Variants in LRRK1 observed in about 807,000 individuals in gnomAD.
LRRK1 encodes the protein leucine-rich repeat serine/threonine-protein kinase 1.
A neutral mutation model predicts 209.1 loss-of-function variants in LRRK1; 113 were observed. The observed-to-expected ratio is 0.54, with a 90% CI of 0.46 to 0.63. The LOEUF (loss-of-function observed/expected upper bound fraction) is 0.63. Ranked by LOEUF, LRRK1 falls within the 30% of genes least tolerant of loss-of-function variation. The pLI is 0.00. For synonymous variants in LRRK1, 1,144 were observed against 1,099.7 expected, an observed-to-expected ratio of 1.04 and a Z score of -0.80; for missense variants, 2,284 against 2,632.2, an observed-to-expected ratio of 0.87 and a Z score of 2.89.
intron 20 of LRRK1, among the ~76,000 whole-genome samples, chr15:101,038,198 A>G (rs943576300): frequency 1.3e-5 from 2 of 152,074 alleles, no homozygotes; most frequent in African/African-American, 4.8e-5. Context: ...GAATAATACA[A>G]TGGATTTTGG....
chr15:100,951,945 C>T (rs893446564), intron 2 of LRRK1, among the ~76,000 whole-genome samples: 3 of 142,548 alleles, frequency 2.1e-5, no homozygotes, highest in African/African-American at 8.0e-5. Context: ...AAGAGCGAAA[C>T]TCCATCTCAG....
Position 100,988,712 on chromosome 15 carries a change from T to C in LRRK1, c.512T>C (p.Leu171Pro). ...CGAGGGCACCTGGGGGTTGTGAAGC[T>C]CCTGGTCCTGACGCACGGGGCTGAC... is the stretch of plus-strand genomic sequence containing the variant. ...CQRGHLGVVK[L>P]LVLTHGADPE... is the part of the protein sequence containing the mutation. Residue 171 changes from leucine (L) to proline (P), a missense_variant, in exon 5 of 34, where the codon CTC (leucine) becomes CCC (proline). Leu to Pro is a moderately conservative substitution (Grantham distance 98, BLOSUM62 -3). Transcript: ENST00000388948. 1.2e-6 allele frequency: 2 copies of C among 1,614,196 alleles called. No individual in the cohort carries two copies. Among genetic ancestry groups the C allele is most frequent in the Non-Finnish European group, 1.7e-6 (2 of 1,180,038 alleles).
chr15:100,934,698 G>A (rs1399539562), intron 2 of LRRK1, among the ~76,000 whole-genome samples: 2 of 151,080 alleles, frequency 1.3e-5, no homozygotes, highest in Non-Finnish European at 1.5e-5. Context: ...GCTACTTGGG[G>A]GTGCTGAGGT....
chr15:100,941,312 GTC>G (rs2042406478), intron 2 of LRRK1, among the ~76,000 whole-genome samples: 2 of 19,032 alleles, frequency 1.1e-4, no homozygotes, highest in Non-Finnish European at 1.2e-4. Context: ...ATGTGTGTGT[GTC>G]TGTGTGTGTG....
At chr15:100,945,618 C>T (rs368468823) in intron 2 of LRRK1, among the ~76,000 whole-genome samples, 72 of 150,964 alleles carry the variant, frequency 4.8e-4, no homozygotes, top group African/African-American at 1.7e-3. Flanking sequence ...CTCAGCCTCC[C>T]GAGTAGCTGG....
Position 101,056,870 on chromosome 15 carries a change from C to A in LRRK1, c.4347C>A (p.Ser1449=). The A allele has an allele frequency of 6.2e-7, 1 of 1,608,492 alleles. No individual in the cohort carries two copies. The highest frequency in any genetic ancestry group is 1.1e-5 in the South Asian group (1 of 90,194). Residue 1449 remains serine (S), a synonymous_variant, in exon 28 of 34, where the codon TCC becomes TCA. Coordinates refer to ENST00000388948, the MANE Select transcript of LRRK1 (RefSeq NM_024652.6). The part of the protein sequence containing the change: ...IVYDEKVDMF[S]YGMVLYELLS... Reference sequence around the variant, plus strand: ...TCTGTGCCCAGGTAGATATGTTCTCCTATGGAATGGTGCTCTACGAGTTGC... The same window carrying A: ...TCTGTGCCCAGGTAGATATGTTCTCATATGGAATGGTGCTCTACGAGTTGC...
chr15:101,011,406 G>A (rs1373866762), intron 9 of LRRK1, among the ~76,000 whole-genome samples: 1 of 151,206 alleles, frequency 6.6e-6, no homozygotes, highest in Non-Finnish European at 1.5e-5. Context: ...TACCGGGGAG[G>A]CAGAGGTTGC....
intron 2 of LRRK1, among the ~76,000 whole-genome samples, chr15:100,959,985 G>A (rs1272598822): frequency 1.3e-5 from 2 of 152,098 alleles, no homozygotes; most frequent in African/African-American, 4.8e-5. Flanking sequence ...TTTGTTGGGA[G>A]GAAGTTAAAT....
intron 28 of LRRK1, 80 bp from the exon 29 acceptor site, chr15:101,057,910 C>A: frequency 1.6e-5 from 24 of 1,472,084 alleles, no homozygotes; most frequent in Non-Finnish European, 2.3e-5. Flanking sequence ...CTGGTTGGGG[C>A]TGGCTGATCT....
chr15:100,941,470 G>GTGTCTGTGTGTGTCTATGTC lies in LRRK1; in HGVS notation c.97+16744_97+16745insCTGTGTGTGTCTATGTCTGT, dbSNP rs1368754983. ...TCTGTGTGTGTCTATGTCTCTGTGT[G>GTGTCTGTGTGTGTCTATGTC]TGTGTGTGTGTGTGTGTGTGTGTGT... On this transcript the variant is annotated intron_variant, in intron 2 of 33. Coordinates refer to ENST00000388948, the MANE Select transcript of LRRK1 (RefSeq NM_024652.6). Among the ~76,000 whole-genome samples, 230 of 64,076 alleles carry GTGTCTGTGTGTGTCTATGTC rather than the reference G, an allele frequency of 3.6e-3. 3 individuals are homozygous for GTGTCTGTGTGTGTCTATGTC. Among genetic ancestry groups the GTGTCTGTGTGTGTCTATGTC allele is most frequent in the African/African-American group, 9.2e-3 (215 of 23,278 alleles). 42.0% of individuals were successfully genotyped at this position (64,076 alleles called of 152,430 possible).
At chr15:101,043,051 G>C (rs1275327630) in intron 20 of LRRK1, among the ~76,000 whole-genome samples, 1 of 152,228 alleles carries the variant, frequency 6.6e-6, no homozygotes, top group African/African-American at 2.4e-5. Context: ...TCCTGGGTTT[G>C]ATGCTGATAT....
intron 2 of LRRK1, among the ~76,000 whole-genome samples, chr15:100,944,301 C>T (rs1249260676): frequency 6.6e-6 from 1 of 152,182 alleles, no homozygotes; most frequent in African/African-American, 2.4e-5. Flanking sequence ...ACAACCACAG[C>T]GCAGCATTGA....
chr15:100,923,328 T>C (rs953234681), intron 1 of LRRK1, among the ~76,000 whole-genome samples: 3 of 152,226 alleles, frequency 2.0e-5, no homozygotes, highest in African/African-American at 7.2e-5. Context: ...TCCACACCTT[T>C]AACGTCCACG....
intron 3 of LRRK1, 133 bp from the exon 4 acceptor site, chr15:100,983,395 C>T: frequency 1.4e-6 from 1 of 726,868 alleles, no homozygotes; most frequent in South Asian, 2.6e-5. Context: ...CCCAGTCACA[C>T]TTGGCAGGTG....
intron 33 of LRRK1, chr15:101,067,315 G>A (rs1160017373): frequency 6.6e-6 from 3 of 456,094 alleles, no homozygotes; most frequent in Non-Finnish European, 1.3e-5. Flanking sequence ...TGGTTGCAGT[G>A]ATGTGAGGCT....
chr15:100,939,606 G>A (rs904861894), intron 2 of LRRK1, among the ~76,000 whole-genome samples: 1 of 152,104 alleles, frequency 6.6e-6, no homozygotes, highest in African/African-American at 2.4e-5. Flanking sequence ...TCACACAATG[G>A]TTTTATCAGT....
In LRRK1 at chr15:101,050,537, C is replaced by T. The variant is rs560554728; in HGVS notation, c.3439+754C>T. ...CTGCCCGAGAGCCTCAGCCCCTGAA[C>T]GCTGGAGGCCAAGCAGCTGTGGGAG... On this transcript the variant is annotated intron_variant, in intron 23 of 33. Transcript: ENST00000388948. Among the ~76,000 whole-genome samples the T allele has an allele frequency of 1.4e-4, 22 of 152,050 alleles. No individual in the cohort carries two copies. The East Asian group carries it at 3.3e-3, about 23-fold the overall frequency.
chr15:100,974,025 C>T, intron 3 of LRRK1, 58 bp downstream of exon 3: 1 of 1,211,734 alleles, frequency 8.3e-7, no homozygotes, highest in Non-Finnish European at 1.0e-6. Flanking sequence ...ACGAAGGGGA[C>T]CGCTCAGATG....
chr15:100,941,700 G>A (rs1203861548), intron 2 of LRRK1, among the ~76,000 whole-genome samples: 2 of 152,206 alleles, frequency 1.3e-5, no homozygotes, highest in African/African-American at 2.4e-5. Context: ...GCGAAGAGGA[G>A]GGCCAGGGGA....
Sources: allele counts gnomAD v4.1 joint callset (sites outside exome capture counted in the v4.1 genomes callset), GRCh38; gene constraint gnomAD v4.1.1; transcripts MANE v1.5; gene names NCBI Gene and HGNC (gene_info 2026-07-23, HGNC 2026-07-21).